Variants in CTNNA2 observed in about 807,000 individuals in gnomAD.
CTNNA2 encodes catenin alpha-2.
Under a neutral mutation model 101.0 loss-of-function variants are expected in CTNNA2, and 42 were observed. That is an observed-to-expected ratio of 0.42 (90% CI 0.32 to 0.54). The LOEUF is 0.54. Ranked by LOEUF, CTNNA2 falls within the 20% of genes least tolerant of loss-of-function variation. The probability of loss-of-function intolerance (pLI) is 0.14; values close to 1 mark genes in which losing one functional copy is unlikely to be tolerated. For synonymous variants in CTNNA2, 450 were observed against 456.4 expected (o/e 0.99, Z 0.18); for missense variants, 871 against 1,223.1 (o/e 0.71, Z 4.29).
At chr2:79,951,373 A>G (rs1213141736) in intron 7 of CTNNA2, among the ~76,000 whole-genome samples, 1 of 152,202 alleles carries the variant, frequency 6.6e-6, no homozygotes, top group Admixed American at 6.5e-5. Context: ...TGCATTTAAA[A>G]TATGTACACA....
At chr2:79,563,430 T>C (rs1208269958) in intron 1 of CTNNA2, among the ~76,000 whole-genome samples, 3 of 152,010 alleles carry the variant, frequency 2.0e-5, no homozygotes, top group Admixed American at 6.6e-5. Context: ...ACACTATAGT[T>C]AGTTGTTTCT....
intron 8 of CTNNA2, among the ~76,000 whole-genome samples, chr2:80,395,853 C>A (rs1266325467): frequency 6.6e-6 from 1 of 152,150 alleles, no homozygotes; most frequent in Non-Finnish European, 1.5e-5. Flanking sequence ...GAGATCAAAT[C>A]TCATAGGGGA....
rs78587969 is a variant in CTNNA2 at position 79,759,029 on chromosome 2, A to G, written c.298+14447A>G. ...CTTACAATAAATTATGGAGATGTCA[A>G]CCCAGCATTGTGGAGCTAAGCAGAC... On this transcript the variant is annotated intron_variant, in intron 3 of 18. Transcript: ENST00000402739. 3.6e-3 allele frequency among the ~76,000 whole-genome samples: 552 copies of G among 152,306 alleles called. 6 individuals are homozygous for G. The highest frequency in any genetic ancestry group is 0.013 in the African/African-American group (537 of 41,564).
chr2:80,546,387 G>A (rs545433499), intron 11 of CTNNA2, among the ~76,000 whole-genome samples: 6 of 152,134 alleles, frequency 3.9e-5, no homozygotes, highest in Admixed American at 3.3e-4. Flanking sequence ...CAGGGAATAT[G>A]GGATTCATTA....
intron 3 of CTNNA2, among the ~76,000 whole-genome samples, chr2:79,350,651 C>G (rs1052810171): frequency 3.3e-5 from 5 of 151,986 alleles, no homozygotes; most frequent in African/African-American, 1.2e-4. Context: ...AGATAGATAC[C>G]CACTAGTGGG....
chr2:79,263,769 A>G (rs1367641950), intron 2 of CTNNA2, among the ~76,000 whole-genome samples: 1 of 152,120 alleles, frequency 6.6e-6, no homozygotes, highest in Non-Finnish European at 1.5e-5. Context: ...GCCTCCCGCC[A>G]TGTTATGAAG....
At position 79,903,148 on chromosome 2, in the gene CTNNA2, TTA is replaced by T. The variant is rs1346553870; in HGVS notation, c.853-6445_853-6444del. 9.2e-5 allele frequency among the ~76,000 whole-genome samples: 14 copies of T among 152,346 alleles called. 1 individual carries two copies. The highest frequency in any genetic ancestry group is 3.1e-4 in the African/African-American group (13 of 41,576). On this transcript the variant is annotated intron_variant, in intron 6 of 18. Transcript: ENST00000402739. ...ATCTGCATTATTGGTGTTGTTAGTG[TTA>T]GAGGTCTAGGTTTTATCTTTGTCTC...
At chr2:80,495,033 C>T (rs755402030) in intron 9 of CTNNA2, among the ~76,000 whole-genome samples, 7 of 152,070 alleles carry the variant, frequency 4.6e-5, no homozygotes, top group Non-Finnish European at 7.3e-5. Context: ...CCTGGTTCTA[C>T]GTGATGTTTG....
At chr2:79,682,367 C>T (rs746805850) in intron 2 of CTNNA2, among the ~76,000 whole-genome samples, 18 of 145,736 alleles carry the variant, frequency 1.2e-4, no homozygotes, top group African/African-American at 2.3e-4. Flanking sequence ...GCCGAGATCG[C>T]GCCACTGCAC....
At chr2:80,086,132 C>A (rs755073319) in intron 7 of CTNNA2, among the ~76,000 whole-genome samples, 1 of 152,002 alleles carries the variant, frequency 6.6e-6, no homozygotes, top group Non-Finnish European at 1.5e-5. Flanking sequence ...ACAATACTTT[C>A]TTGATTAATG....
At chr2:80,337,413 G>A (rs960629014) in intron 7 of CTNNA2, among the ~76,000 whole-genome samples, 1 of 151,554 alleles carries the variant, frequency 6.6e-6, no homozygotes, top group Admixed American at 6.6e-5. Context: ...AAAGTCACAA[G>A]CTCTTTTGCT....
intron 9 of CTNNA2, among the ~76,000 whole-genome samples, chr2:80,436,321 G>A (rs978169589): frequency 1.3e-5 from 2 of 152,106 alleles, no homozygotes; most frequent in Non-Finnish European, 2.9e-5. Flanking sequence ...GGAGCTTGTT[G>A]GAAATATAGA....
At chr2:79,231,258 G>C (rs1674488356) in intron 2 of CTNNA2, among the ~76,000 whole-genome samples, 1 of 152,160 alleles carries the variant, frequency 6.6e-6, no homozygotes, top group Non-Finnish European at 1.5e-5. Context: ...GACCCAGTGG[G>C]GGGTAACTGA....
chr2:79,639,932 TTGTG>T (rs60058512), intron 1 of CTNNA2, among the ~76,000 whole-genome samples: 90 of 145,180 alleles, frequency 6.2e-4, no homozygotes, highest in East Asian at 2.0e-3. Flanking sequence ...TTAACTATAA[TTGTG>T]TGTGTGTGTG....
At chr2:79,903,670 A>G (rs1158312668) in intron 6 of CTNNA2, among the ~76,000 whole-genome samples, 2 of 152,164 alleles carry the variant, frequency 1.3e-5, no homozygotes, top group Non-Finnish European at 2.9e-5. Flanking sequence ...TTAGACTGCT[A>G]TGGGGACAAA....
chr2:79,305,321 T>C (rs1676210632), intron 2 of CTNNA2, among the ~76,000 whole-genome samples: 1 of 145,968 alleles, frequency 6.9e-6, no homozygotes, highest in Non-Finnish European at 1.5e-5. Flanking sequence ...TATACACATA[T>C]ATATACATAT....
At chr2:80,018,541 C>T (rs1574552972) in intron 7 of CTNNA2, among the ~76,000 whole-genome samples, 1 of 152,182 alleles carries the variant, frequency 6.6e-6, no homozygotes, top group South Asian at 2.1e-4. Context: ...CTTTGGGAGG[C>T]CGAGGCGGGC....
chr2:79,743,175 T>TAA (rs35975188), intron 2 of CTNNA2, among the ~76,000 whole-genome samples: 110 of 147,408 alleles, frequency 7.5e-4, no homozygotes, highest in African/African-American at 2.0e-3. Flanking sequence ...GTGAAGCCGA[T>TAA]AAAAAAAAAA....
At chr2:79,926,703 A>G (rs1179346068) in intron 7 of CTNNA2, among the ~76,000 whole-genome samples, 1 of 152,000 alleles carries the variant, frequency 6.6e-6, no homozygotes, top group Non-Finnish European at 1.5e-5. Context: ...TTATTTCCTT[A>G]TAAATAAAAT....
Sources: allele counts gnomAD v4.1 joint callset (sites outside exome capture counted in the v4.1 genomes callset), GRCh38; gene constraint gnomAD v4.1.1; transcripts MANE v1.5; gene names NCBI Gene and HGNC (gene_info 2026-07-23, HGNC 2026-07-21).